TEX11: variants seen among roughly 807,000 people sequenced by gnomAD.
TEX11 encodes the protein testis expressed 11.
Under a neutral mutation model 84.4 loss-of-function variants are expected in TEX11, and 7 were observed. The ratio of observed to expected loss-of-function variants is 0.08; its 90% CI spans 0.05 to 0.16. The LOEUF (loss-of-function observed/expected upper bound fraction) is 0.16. TEX11 is among the 10% of genes least tolerant of loss of function. The pLI, the probability that TEX11 is intolerant of heterozygous loss-of-function variation, is 1.00. For synonymous variants in TEX11, 264 were observed against 222.8 expected, an observed-to-expected ratio of 1.18 and a Z score of -1.64; for missense variants, 551 against 660.5, an observed-to-expected ratio of 0.83 and a Z score of 1.82.
chrX:70,610,010 G>T (rs1024938780), intron 21 of TEX11, among the ~76,000 whole-genome samples: 4 of 109,229 alleles, frequency 3.7e-5, no homozygotes, highest in Non-Finnish European at 5.7e-5. Flanking sequence ...GATTCAGAGG[G>T]TATGAAAAAA....
At chrX:70,539,039 T>TATATATATATATATATA (rs1555978760) in intron 28 of TEX11, among the ~76,000 whole-genome samples, 26 of 16,611 alleles carry the variant, frequency 1.6e-3, no homozygotes, top group Non-Finnish European at 2.1e-3. Context: ...TATATATATA[T>TATATATATATATATATA]TTTTTTTTTT....
intron 8 of TEX11, among the ~76,000 whole-genome samples, chrX:70,830,708 A>G (rs779982381): frequency 1.2e-4 from 13 of 112,415 alleles, no homozygotes; most frequent in African/African-American, 3.2e-5. Flanking sequence ...GGTATGTGAA[A>G]AAATGCTCAA....
intron 20 of TEX11, among the ~76,000 whole-genome samples, chrX:70,611,172 C>T (rs1050208979): frequency 1.8e-5 from 2 of 112,337 alleles, no homozygotes; most frequent in African/African-American, 3.2e-5. Context: ...AGAGAACTTC[C>T]GGTTTCTAGT....
chrX:70,750,933 A>ATATATATATATATATATATAT (rs1556039355), intron 9 of TEX11, among the ~76,000 whole-genome samples: 8 of 28,186 alleles, frequency 2.8e-4, no homozygotes, highest in Non-Finnish European at 4.2e-4. Flanking sequence ...AAAAAAAAAA[A>ATATATATATATATATATATAT]ATATATATAT....
chrX:70,681,122 C>A (rs1389283849), intron 14 of TEX11, among the ~76,000 whole-genome samples: 1 of 112,752 alleles, frequency 8.9e-6, no homozygotes, highest in Non-Finnish European at 1.9e-5. Context: ...TAGAATTCTG[C>A]ACCTCCTCTT....
chrX:70,596,896 A>T (rs1458088777), intron 24 of TEX11, among the ~76,000 whole-genome samples: 1 of 111,446 alleles, frequency 9.0e-6, no homozygotes, highest in Non-Finnish European at 1.9e-5. Flanking sequence ...AAAAAGAGAG[A>T]AGACACAAAT....
At chrX:70,539,481 C>G (rs1388633540) in intron 28 of TEX11, among the ~76,000 whole-genome samples, 1 of 110,925 alleles carries the variant, frequency 9.0e-6, no homozygotes, top group Admixed American at 9.7e-5. Context: ...CTTAGCTTCC[C>G]TTGTAAAAGG....
intron 16 of TEX11, among the ~76,000 whole-genome samples, chrX:70,661,245 G>T (rs2089922978): frequency 8.9e-6 from 1 of 112,586 alleles, no homozygotes; most frequent in Non-Finnish European, 1.9e-5. Context: ...GCCTGGCTCA[G>T]AGGGTCCTAC....
the TEX11 span, among the ~76,000 whole-genome samples, chrX:70,519,302 G>A: frequency 2.7e-5 from 3 of 111,857 alleles, no homozygotes; most frequent in Non-Finnish European, 5.6e-5. Context: ...TTGTAAGGGA[G>A]GCCTGCTGGT....
chrX:70,748,943 T>G (rs1422889794), intron 9 of TEX11, among the ~76,000 whole-genome samples: 1 of 106,430 alleles, frequency 9.4e-6, no homozygotes, highest in Non-Finnish European at 1.9e-5. Context: ...AGTAGTTTTT[T>G]CCAAATCTGT....
At chrX:70,703,910 C>T (rs1270742805) in intron 13 of TEX11, among the ~76,000 whole-genome samples, 1 of 111,594 alleles carries the variant, frequency 9.0e-6, no homozygotes, top group Non-Finnish European at 1.9e-5. Flanking sequence ...GACATGTGTC[C>T]TCACCCAAAT....
rs185793861 is a variant in TEX11 at position 70,729,605 on chromosome X, G to A, written c.844-4262C>T. Among the ~76,000 whole-genome samples, 283 of 111,326 alleles carry A rather than the reference G, an allele frequency of 2.5e-3. 1 individual carries two copies. The highest frequency in any genetic ancestry group is 8.6e-3 in the African/African-American group (263 of 30,652). On this transcript the variant is annotated intron_variant, in intron 11 of 29. Coordinates refer to ENST00000374333, the MANE Select transcript of TEX11 (RefSeq NM_031276.3). ...GAAATGAAGCGAGAAGAGAAGTTTA[G>A]AGAAAAAAGAATAAAAAGAAATGAA...
chrX:70,562,153 A>G (rs759107551), intron 25 of TEX11, among the ~76,000 whole-genome samples: 1 of 112,414 alleles, frequency 8.9e-6, no homozygotes, highest in South Asian at 3.7e-4. Context: ...ATTCACTTCC[A>G]TAAGCAAATG....
intron 13 of TEX11, among the ~76,000 whole-genome samples, chrX:70,692,515 AATCACACAGTATT>A (rs1291043994): frequency 2.7e-5 from 3 of 111,118 alleles, no homozygotes; most frequent in Admixed American, 9.6e-5. Flanking sequence ...ACAGAAGTGG[AATCACACAGTATT>A]TGTCTTGTGA....
chrX:70,874,165 C>T (rs771885067), intron 3 of TEX11, among the ~76,000 whole-genome samples: 1 of 110,822 alleles, frequency 9.0e-6, no homozygotes, highest in South Asian at 3.9e-4. Flanking sequence ...TCCAGAGGCC[C>T]TCACTGGAAG....
chrX:70,651,519 C>T lies in TEX11; in HGVS notation c.1414G>A (p.Asp472Asn), dbSNP rs759598658. 1.7e-6 allele frequency: 2 copies of T among 1,207,100 alleles called. No individual in the cohort carries two copies. Among genetic ancestry groups the T allele is most frequent in the Non-Finnish European group, 2.2e-6 (2 of 892,781 alleles). Residue 472 changes from aspartate to asparagine, a missense_variant, in exon 17 of 30, where the codon GAC becomes AAC. Asp to Asn is a conservative substitution (Grantham distance 23, BLOSUM62 1). Transcript: ENST00000374333. ...AATTGAGTGAAAACGTTCCTAGGGT[C>T]ATGTCGTTCAGCTTCTGCCACTGCC... ...KEAVAEAERH[D>N]PRNVFTQFYI...
At chrX:70,674,076 A>G (rs1603211007) in intron 15 of TEX11, among the ~76,000 whole-genome samples, 1 of 111,402 alleles carries the variant, frequency 9.0e-6, no homozygotes, top group East Asian at 2.8e-4. Flanking sequence ...AGTAGACACC[A>G]GTGTCTGTTG....
chrX:70,559,682 G>A (rs999258410), intron 25 of TEX11, among the ~76,000 whole-genome samples: 17 of 112,165 alleles, frequency 1.5e-4, no homozygotes, highest in Admixed American at 3.8e-4. Flanking sequence ...GCTATCAGAC[G>A]TTCATTCTTT....
intron 2 of TEX11, among the ~76,000 whole-genome samples, chrX:70,901,612 G>C (rs1483787443): frequency 8.9e-6 from 1 of 111,991 alleles, no homozygotes; most frequent in Non-Finnish European, 1.9e-5. Flanking sequence ...TCAGGCTCCT[G>C]TGAGAATCTA....
Sources: gnomAD v4.1 joint callset for allele counts (sites outside exome capture counted in the v4.1 genomes callset) on GRCh38, gnomAD v4.1.1 for gene constraint, MANE v1.5 for transcripts, NCBI Gene and HGNC (gene_info 2026-07-23, HGNC 2026-07-21) for gene names.